Variants in AKAP13 observed in about 807,000 individuals in gnomAD.
The protein encoded by AKAP13 is A-kinase anchoring protein 13.
In AKAP13, 80 loss-of-function variants were observed where a neutral mutation model predicts 264.5. The ratio of observed to expected loss-of-function variants is 0.30; its 90% CI spans 0.25 to 0.36. AKAP13 has a LOEUF of 0.36. AKAP13 is among the 10% of genes least tolerant of loss of function. AKAP13 has a pLI of 1.00. For synonymous variants in AKAP13, 1,380 were observed against 1,250.2 expected, an observed-to-expected ratio of 1.10 and a Z score of -2.19; for missense variants, 3,712 against 3,435.2, an observed-to-expected ratio of 1.08 and a Z score of -2.01.
rs2079111004 is a variant in AKAP13 at position 85,579,293 on chromosome 15, G to A, written c.1225G>A (p.Val409Ile). Reference sequence around the variant, plus strand: ...CCTTCAGAGCTTGCCTGATTGTGGAGTAAAGGGCACGGAAGGCCTTTCGTC... The same window carrying A: ...CCTTCAGAGCTTGCCTGATTGTGGAATAAAGGGCACGGAAGGCCTTTCGTC... The part of the protein sequence containing the change: ...SCLQSLPDCG[V>I]KGTEGLSSCG... Residue 409 changes from valine (V) to isoleucine (I), a missense_variant, in exon 7 of 37, where the codon GTA becomes ATA. Transcript: ENST00000394518. The A allele has an allele frequency of 3.7e-6, 6 of 1,614,224 alleles. No homozygotes were observed. The highest frequency in any genetic ancestry group is 5.1e-6 in the Non-Finnish European group (6 of 1,180,038).
chr15:85,442,270 C>T (rs1477033286), intron 1 of AKAP13, among the ~76,000 whole-genome samples: 1 of 149,744 alleles, frequency 6.7e-6, no homozygotes, highest in African/African-American at 2.5e-5. Context: ...ATTAGCTGGG[C>T]ATGGTGGCAG....
intron 32 of AKAP13, 96 bp from the exon 33 acceptor site, chr15:85,735,994 G>C: frequency 9.9e-7 from 1 of 1,011,062 alleles, no homozygotes; most frequent in Non-Finnish European, 1.6e-6. Flanking sequence ...GGCTGTGGTA[G>C]AAAATGGAAA....
chr15:85,532,052 CTTCT>C (rs1352585636), intron 3 of AKAP13, among the ~76,000 whole-genome samples: 1 of 152,168 alleles, frequency 6.6e-6, no homozygotes, highest in East Asian at 1.9e-4. Flanking sequence ...GGGCAAGTTA[CTTCT>C]TTAAGTCTCA....
chr15:85,528,846 C>G (rs1406174698), intron 3 of AKAP13, among the ~76,000 whole-genome samples: 2 of 152,098 alleles, frequency 1.3e-5, no homozygotes, highest in Non-Finnish European at 2.9e-5. Context: ...TAGTTTCTCT[C>G]TCTCCTTCCC....
chr15:85,541,423 T>A (rs1183755541), intron 4 of AKAP13, among the ~76,000 whole-genome samples: 1 of 152,172 alleles, frequency 6.6e-6, no homozygotes, highest in African/African-American at 2.4e-5. Flanking sequence ...TGTGTGATTC[T>A]TTGAACTATG....
At chr15:85,711,712 T>C (rs969361508) in intron 19 of AKAP13, among the ~76,000 whole-genome samples, 14 of 152,210 alleles carry the variant, frequency 9.2e-5, no homozygotes, top group African/African-American at 3.1e-4. Context: ...TCTGTGAGAC[T>C]TTTCCCAGGC....
chr15:85,654,022 T>TA (rs762039205), intron 10 of AKAP13, among the ~76,000 whole-genome samples: 25 of 152,304 alleles, frequency 1.6e-4, no homozygotes, highest in Non-Finnish European at 2.8e-4. Flanking sequence ...CAGCCACTGG[T>TA]ATGTTTCAAC....
intron 5 of AKAP13, among the ~76,000 whole-genome samples, chr15:85,544,465 C>T (rs2077668502): frequency 1.3e-5 from 2 of 152,042 alleles, no homozygotes; most frequent in African/African-American, 4.8e-5. Context: ...AATTTGAGAG[C>T]AGTGGTTTCT....
chr15:85,600,248 A>T (rs545695350), intron 8 of AKAP13, among the ~76,000 whole-genome samples: 57 of 151,512 alleles, frequency 3.8e-4, no homozygotes, highest in African/African-American at 1.3e-3. Context: ...TTCTTTTAGC[A>T]GTTGTTCCTG....
intron 3 of AKAP13, among the ~76,000 whole-genome samples, chr15:85,530,031 C>G (rs1012993098): frequency 2.6e-5 from 4 of 152,076 alleles, no homozygotes; most frequent in African/African-American, 9.7e-5. Flanking sequence ...GACATTCTGC[C>G]TTCTCGGTTA....
At chr15:85,629,670 A>G (rs556109421) in intron 8 of AKAP13, among the ~76,000 whole-genome samples, 17 of 151,698 alleles carry the variant, frequency 1.1e-4, no homozygotes, top group African/African-American at 3.6e-4. Flanking sequence ...TAAAATGGCA[A>G]CATGCCTTCT....
rs1043730719 is a variant in AKAP13 at position 85,645,908 on chromosome 15, T to C, written c.4328T>C (p.Leu1443Pro). ...AGAGAATCTGGGAGTGATTCTGACC[T>C]CTTTCACTCACCCAGTGATGACATG... ...LKRESGSDSD[L>P]FHSPSDDMDS... Residue 1443 changes from leucine to proline, a missense_variant, in exon 10 of 37, where the codon CTC becomes CCC. Around this residue, in one of 3 missense-constraint regions of AKAP13, gnomAD observed 2,759 missense variants for 2,411.7 expected, o/e 1.14. Transcript: ENST00000394518. 1.2e-6 allele frequency: 2 copies of C among 1,613,952 alleles called. No individual in the cohort carries two copies.
intron 2 of AKAP13, among the ~76,000 whole-genome samples, chr15:85,496,011 GT>G (rs2075863078): frequency 6.6e-6 from 1 of 152,224 alleles, no homozygotes; most frequent in East Asian, 1.9e-4. Context: ...CCAAGGAAAA[GT>G]TAGGGTGCTA....
intron 8 of AKAP13, among the ~76,000 whole-genome samples, chr15:85,590,632 T>C (rs2079544847): frequency 6.6e-6 from 1 of 152,256 alleles, no homozygotes; most frequent in Non-Finnish European, 1.5e-5. Context: ...ATTTCTTTAT[T>C]GGGGTGAAAA....
At position 85,408,508 on chromosome 15, in the gene AKAP13, A is replaced by G. The variant is rs114752160; in HGVS notation, c.-12+27710A>G. Among the ~76,000 whole-genome samples, 14 of 151,740 alleles carry G rather than the reference A, an allele frequency of 9.2e-5. 1 individual carries two copies. Among genetic ancestry groups the G allele is most frequent in the African/African-American group, 3.4e-4 (14 of 41,040 alleles). ...TCTCTCTCCTCCGTGTCCCTGGCAA[A>G]TACTTTTCTACTTCCTGTTTCTATG... On this transcript the variant is annotated intron_variant, in intron 1 of 36. Transcript: ENST00000394518.
intron 3 of AKAP13, among the ~76,000 whole-genome samples, chr15:85,525,057 A>ATTTTTTTT (rs1567105270): frequency 9.7e-6 from 1 of 103,592 alleles, no homozygotes; most frequent in African/African-American, 3.6e-5. Flanking sequence ...TCTATCTTTA[A>ATTTTTTTT]ATTTTTTTTT....
At chr15:85,460,912 G>T (rs1157145981) in intron 1 of AKAP13, among the ~76,000 whole-genome samples, 1 of 151,638 alleles carries the variant, frequency 6.6e-6, no homozygotes, top group African/African-American at 2.4e-5. Context: ...CTGTGAGATC[G>T]ATCTCAGATT....
At chr15:85,729,223 C>T (rs1015496359) in intron 29 of AKAP13, among the ~76,000 whole-genome samples, 6 of 151,966 alleles carry the variant, frequency 3.9e-5, no homozygotes, top group East Asian at 1.9e-4. Context: ...CGCTTGAACC[C>T]GGGAGGCAGA....
Position 85,730,431 on chromosome 15 carries a change from C to G in AKAP13, c.7088-82C>G, listed in dbSNP as rs138200267. 172 of 1,449,370 alleles carry G rather than the reference C, an allele frequency of 1.2e-4. No homozygotes were observed. In the African/African-American group the frequency reaches 2.2e-3, roughly 18 times the overall value. The allele number at this position is 1,449,370 out of a possible 1,614,324, so 89.8% of individuals were successfully genotyped here. On this transcript the variant is annotated intron_variant, in intron 29 of 36. Transcript: ENST00000394518. ...TGTCTTGTCACTTTCCATAAATTACCACAAGGTGGTGCTCGTGTCTTAGTC... is the reference window on the plus strand; with the variant it reads ...TGTCTTGTCACTTTCCATAAATTACGACAAGGTGGTGCTCGTGTCTTAGTC...
Sources: allele counts gnomAD v4.1 joint callset (sites outside exome capture counted in the v4.1 genomes callset), GRCh38; gene constraint gnomAD v4.1.1; regional missense constraint gnomAD v4.1.1; transcripts MANE v1.5; gene names NCBI Gene and HGNC (gene_info 2026-07-23, HGNC 2026-07-21).